The following ATRNL1 variants were observed in gnomAD, a reference collection of about 807,000 sequenced individuals.
ATRNL1 encodes the protein attractin-like protein 1.
ATRNL1 carries 95 observed loss-of-function variants against 182.7 expected under a neutral mutation model. That is an observed-to-expected ratio of 0.52 (90% CI 0.44 to 0.62). The LOEUF is 0.62. Among genes scored for constraint, ATRNL1 ranks in the 20% least tolerant of loss-of-function variants. ATRNL1 has a pLI of 0.00. For synonymous variants in ATRNL1, 576 were observed against 568.3 expected (o/e 1.01, Z -0.19); for missense variants, 1,471 against 1,679.5 (o/e 0.88, Z 2.17).
chr10:115,365,702 G>A (rs1554945727), intron 19 of ATRNL1, among the ~76,000 whole-genome samples: 1 of 151,814 alleles, frequency 6.6e-6, no homozygotes, highest in African/African-American at 2.4e-5. Context: ...ATGCGTCCCA[G>A]AGATTCTGGT....
chr10:115,372,461 G>A (rs762044458), intron 19 of ATRNL1, among the ~76,000 whole-genome samples: 3 of 152,048 alleles, frequency 2.0e-5, no homozygotes, highest in Non-Finnish European at 4.4e-5. Flanking sequence ...TTTGCCAAGA[G>A]TAATGTCAAG....
At chr10:115,286,806 T>C (rs1204628212) in intron 15 of ATRNL1, among the ~76,000 whole-genome samples, 2 of 151,960 alleles carry the variant, frequency 1.3e-5, no homozygotes, top group Non-Finnish European at 2.9e-5. Context: ...AAAATATTTT[T>C]AAAAAGTATG....
chr10:115,814,615 T>A (rs190571008), intron 27 of ATRNL1, among the ~76,000 whole-genome samples: 1,993 of 152,296 alleles, frequency 0.013, 40 homozygotes, highest in African/African-American at 0.045. Flanking sequence ...AATGTTTTTT[T>A]CCTAAGGGTT....
chr10:115,744,859 T>C (rs1948244430), intron 27 of ATRNL1, among the ~76,000 whole-genome samples: 1 of 152,166 alleles, frequency 6.6e-6, no homozygotes, highest in African/African-American at 2.4e-5. Context: ...TTTTAAATAA[T>C]GTTAGCTATT....
chr10:115,664,412 G>T (rs987697126), intron 26 of ATRNL1, among the ~76,000 whole-genome samples: 1 of 152,092 alleles, frequency 6.6e-6, no homozygotes, highest in Admixed American at 6.6e-5. Flanking sequence ...AAGGATATAT[G>T]TAGGCTTTTG....
chr10:115,557,856 C>T (rs1283706266), intron 26 of ATRNL1, among the ~76,000 whole-genome samples: 2 of 151,990 alleles, frequency 1.3e-5, no homozygotes, highest in African/African-American at 2.4e-5. Flanking sequence ...ACCATCCTGG[C>T]GAACATGGTG....
At chr10:115,115,287 A>G (rs1211420226) in intron 1 of ATRNL1, among the ~76,000 whole-genome samples, 1 of 152,122 alleles carries the variant, frequency 6.6e-6, no homozygotes, top group African/African-American at 2.4e-5. Context: ...AGTTTCAATT[A>G]GGAAGAATAA....
chr10:115,104,459 G>A (rs1843913294), intron 1 of ATRNL1, among the ~76,000 whole-genome samples: 2 of 152,102 alleles, frequency 1.3e-5, no homozygotes, highest in Non-Finnish European at 2.9e-5. Flanking sequence ...TTGTCAGAAT[G>A]ATAGTTTGCA....
chr10:115,520,124 T>A (rs1850847931), intron 25 of ATRNL1, among the ~76,000 whole-genome samples: 1 of 152,168 alleles, frequency 6.6e-6, no homozygotes, highest in African/African-American at 2.4e-5. Context: ...TTCTGGCAGA[T>A]ACAGCCCCAC....
At position 115,301,900 on chromosome 10, in the gene ATRNL1, T is replaced by A; in HGVS notation, c.2675T>A (p.Leu892Gln). ...AGGCCGTGCAAAAAGCCATGCTCTCTGAGGACATCATGTTCCAACTGTACA... is the reference window on the plus strand; with the variant it reads ...AGGCCGTGCAAAAAGCCATGCTCTCAGAGGACATCATGTTCCAACTGTACA... ...NARPCKKPCS[L>Q]RTSCSNCTSN... Residue 892 changes from leucine (L) to glutamine (Q), a missense_variant, in exon 17 of 29, where the codon CTG becomes CAG. This residue lies in a region of ATRNL1 where 1,031 missense variants were observed against 1,156.0 expected (regional missense o/e 0.89). Coordinates refer to ENST00000355044, the MANE Select transcript of ATRNL1 (RefSeq NM_207303.4). 1 of 1,613,610 alleles carries A rather than the reference T, an allele frequency of 6.2e-7. No homozygotes were observed. The highest frequency in any genetic ancestry group is 2.2e-5 in the East Asian group (1 of 44,870).
At chr10:115,627,132 A>C (rs1348353712) in intron 26 of ATRNL1, among the ~76,000 whole-genome samples, 2 of 152,150 alleles carry the variant, frequency 1.3e-5, no homozygotes, top group African/African-American at 4.8e-5. Context: ...GCTTCCATCT[A>C]GTTTCAAAAC....
intron 27 of ATRNL1, among the ~76,000 whole-genome samples, chr10:115,773,231 T>A (rs1395239502): frequency 6.6e-6 from 1 of 152,160 alleles, no homozygotes; most frequent in Non-Finnish European, 1.5e-5. Context: ...TCCCAAAAAA[T>A]TTCTCCTAAA....
chr10:115,572,679 A>G (rs1269679029), intron 26 of ATRNL1, among the ~76,000 whole-genome samples: 5 of 152,216 alleles, frequency 3.3e-5, no homozygotes, highest in Non-Finnish European at 5.9e-5. Flanking sequence ...TTCCAGAGAG[A>G]GGTCTGGGAT....
chr10:115,296,243 C>T (rs1316137238), intron 15 of ATRNL1, among the ~76,000 whole-genome samples: 2 of 152,146 alleles, frequency 1.3e-5, no homozygotes, highest in Admixed American at 6.5e-5. Context: ...AGGCTGGGTG[C>T]CTCCATGCTG....
intron 27 of ATRNL1, among the ~76,000 whole-genome samples, chr10:115,825,284 G>A (rs891831423): frequency 1.3e-5 from 2 of 152,088 alleles, no homozygotes; most frequent in African/African-American, 2.4e-5. Flanking sequence ...CCTGTCGGGG[G>A]TTGGGGGACT....
chr10:115,342,030 GACTT>G (rs1478656952), intron 19 of ATRNL1, among the ~76,000 whole-genome samples: 1 of 151,996 alleles, frequency 6.6e-6, no homozygotes, highest in Admixed American at 6.6e-5. Context: ...GATAAGTAAG[GACTT>G]ACTTCTGCCA....
intron 25 of ATRNL1, among the ~76,000 whole-genome samples, chr10:115,533,727 T>C (rs797025207): frequency 2.0e-5 from 3 of 150,106 alleles, no homozygotes; most frequent in African/African-American, 7.3e-5. Context: ...TCCTGCTTTC[T>C]CTTGTGGGCA....
At chr10:115,174,936 C>T (rs767673935) in intron 8 of ATRNL1, among the ~76,000 whole-genome samples, 6 of 151,736 alleles carry the variant, frequency 4.0e-5, no homozygotes, top group Non-Finnish European at 8.8e-5. Context: ...CCAAAGTTCC[C>T]AGGGGGAATA....
At chr10:115,316,568 A>T (rs2201364) in intron 18 of ATRNL1, among the ~76,000 whole-genome samples, 1 of 152,204 alleles carries the variant, frequency 6.6e-6, no homozygotes, top group Non-Finnish European at 1.5e-5. Context: ...AGCCTCGCTA[A>T]CATCTATTGT....
Sources: gnomAD v4.1 joint callset for allele counts (sites outside exome capture counted in the v4.1 genomes callset) on GRCh38, gnomAD v4.1.1 for gene constraint, gnomAD v4.1.1 regional missense constraint, MANE v1.5 for transcripts, NCBI Gene and HGNC (gene_info 2026-07-23, HGNC 2026-07-21) for gene names.